KCNH8: variants seen among roughly 807,000 people sequenced by gnomAD.
The protein encoded by KCNH8 is potassium voltage-gated channel subfamily H member 8, also known as voltage-gated delayed rectifier potassium channel KCNH8.
A neutral mutation model predicts 103.6 loss-of-function variants in KCNH8; 70 were observed. That is an observed-to-expected ratio of 0.68 (90% CI 0.56 to 0.82). The LOEUF is 0.82. KCNH8 is among the 40% of genes least tolerant of loss of function. The pLI is 0.00. For synonymous variants in KCNH8, 498 were observed against 489.4 expected (o/e 1.02, Z -0.23); for missense variants, 1,217 against 1,329.9 (o/e 0.92, Z 1.32).
At chr3:19,406,980 T>C (rs1378338099) in intron 7 of KCNH8, among the ~76,000 whole-genome samples, 1 of 152,180 alleles carries the variant, frequency 6.6e-6, no homozygotes, top group African/African-American at 2.4e-5. Flanking sequence ...AGTAGAATTA[T>C]TCTACTCCAG....
At chr3:19,497,738 T>C (rs937337159) in intron 11 of KCNH8, among the ~76,000 whole-genome samples, 1 of 152,234 alleles carries the variant, frequency 6.6e-6, no homozygotes, top group South Asian at 2.1e-4. Flanking sequence ...GAGAGTTTTG[T>C]AGATACTTGA....
chr3:19,166,571 G>GA (rs989223971), intron 1 of KCNH8, among the ~76,000 whole-genome samples: 31 of 150,962 alleles, frequency 2.1e-4, no homozygotes, highest in South Asian at 6.3e-4. Context: ...TGTAAAATAT[G>GA]AAAAAAAAAC....
Position 19,424,715 on chromosome 3 carries a change from T to C in KCNH8, c.1178-13449T>C, listed in dbSNP as rs1245235448. ...AACTATGCATCTGACAAAGGACTAA[T>C]ATTCAGAATCTACAAGGAACTCAGG... is the stretch of plus-strand genomic sequence containing the variant. On this transcript the variant is annotated intron_variant, in intron 7 of 15. Coordinates refer to ENST00000328405, the MANE Select transcript of KCNH8 (RefSeq NM_144633.3). 3.3e-5 allele frequency among the ~76,000 whole-genome samples: 5 copies of C among 152,068 alleles called. No homozygotes were observed. In the East Asian group the frequency reaches 5.8e-4, roughly 18 times the overall value.
chr3:19,481,809 G>A (rs975796371), intron 11 of KCNH8, among the ~76,000 whole-genome samples: 1 of 152,156 alleles, frequency 6.6e-6, no homozygotes, highest in African/African-American at 2.4e-5. Flanking sequence ...ATTAACTGCT[G>A]GAGAAAGTAC....
At chr3:19,253,166 A>G (rs1159324124) in intron 1 of KCNH8, among the ~76,000 whole-genome samples, 1 of 152,052 alleles carries the variant, frequency 6.6e-6, no homozygotes, top group Non-Finnish European at 1.5e-5. Context: ...TCTCTTCCCT[A>G]TCTCAATTTA....
intron 3 of KCNH8, among the ~76,000 whole-genome samples, chr3:19,336,107 AT>A (rs1352963738): frequency 6.6e-6 from 1 of 151,614 alleles, no homozygotes; most frequent in Non-Finnish European, 1.5e-5. Context: ...CATATTTAAC[AT>A]TTTAAATATA....
intron 3 of KCNH8, among the ~76,000 whole-genome samples, chr3:19,303,935 G>T (rs1234057237): frequency 6.6e-6 from 1 of 152,134 alleles, no homozygotes; most frequent in Non-Finnish European, 1.5e-5. Context: ...GGGGACCACA[G>T]ACTATCCAAT....
In KCNH8 at chr3:19,279,115, A is replaced by C. The variant is rs2064719424; in HGVS notation, c.311-2083A>C. On this transcript the variant is annotated intron_variant, in intron 2 of 15. Transcript: ENST00000328405. ...TACCGTTCTTTGTGTCCCCACTATT[A>C]CTTTCTCTAAGGTCTGATTATTAGT... Among the ~76,000 whole-genome samples the C allele has an allele frequency of 3.3e-5, 5 of 152,194 alleles. No homozygotes were observed. In the South Asian group the frequency reaches 1.0e-3, roughly 32 times the overall value.
chr3:19,519,552 A>G (rs1365143686), intron 15 of KCNH8, among the ~76,000 whole-genome samples: 1 of 150,828 alleles, frequency 6.6e-6, no homozygotes, highest in Non-Finnish European at 1.5e-5. Flanking sequence ...CCGACTAACA[A>G]GGCAGAAAAG....
chr3:19,481,912 C>T (rs936145792), intron 11 of KCNH8, among the ~76,000 whole-genome samples: 7 of 152,136 alleles, frequency 4.6e-5, no homozygotes, highest in Non-Finnish European at 5.9e-5. Flanking sequence ...GATGAAGTTG[C>T]AGCAGGATGA....
At chr3:19,377,362 G>T (rs918877844) in intron 5 of KCNH8, among the ~76,000 whole-genome samples, 1 of 152,170 alleles carries the variant, frequency 6.6e-6, no homozygotes, top group Non-Finnish European at 1.5e-5. Context: ...TGTTGGAGAG[G>T]TGAGAACACA....
intron 3 of KCNH8, among the ~76,000 whole-genome samples, chr3:19,284,463 A>C (rs1476461561): frequency 6.6e-6 from 1 of 151,104 alleles, no homozygotes; most frequent in Non-Finnish European, 1.5e-5. Context: ...ACAAAATTCA[A>C]ACTACTATTT....
chr3:19,499,873 T>G (rs939526909), intron 11 of KCNH8, among the ~76,000 whole-genome samples: 2 of 151,998 alleles, frequency 1.3e-5, no homozygotes, highest in African/African-American at 4.8e-5. Flanking sequence ...AGGAAGAAAC[T>G]GCATCAACTA....
chr3:19,342,776 G>C, intron 4 of KCNH8, 62 bp downstream of exon 4: 5 of 1,476,122 alleles, frequency 3.4e-6, no homozygotes, highest in Non-Finnish European at 4.6e-6. Context: ...TGTTTGACTC[G>C]CTAAAGAAAG....
chr3:19,505,321 G>A (rs2068670983), intron 11 of KCNH8, among the ~76,000 whole-genome samples: 1 of 152,024 alleles, frequency 6.6e-6, no homozygotes, highest in African/African-American at 2.4e-5. Context: ...AAGGGTTGGA[G>A]GAGGGAGAGG....
At chr3:19,235,005 A>T (rs565660742) in intron 1 of KCNH8, among the ~76,000 whole-genome samples, 13 of 152,234 alleles carry the variant, frequency 8.5e-5, no homozygotes, top group Non-Finnish European at 1.6e-4. Context: ...AAACTTTGTT[A>T]AATGTATGTA....
At chr3:19,441,382 C>T (rs1052724986) in intron 8 of KCNH8, among the ~76,000 whole-genome samples, 3 of 152,174 alleles carry the variant, frequency 2.0e-5, no homozygotes, top group African/African-American at 7.2e-5. Context: ...AAAACCAGTT[C>T]TCTATACTGA....
chr3:19,421,246 A>G (rs1386703005), intron 7 of KCNH8, among the ~76,000 whole-genome samples: 3 of 152,146 alleles, frequency 2.0e-5, no homozygotes, highest in Admixed American at 2.0e-4. Context: ...TAAACTGGAT[A>G]ATTTAAAAAA....
Position 19,438,230 on chromosome 3 carries a change from C to G in KCNH8, c.1244C>G (p.Pro415Arg). ...TATGGCAACAATACCTTGGGGGGCC[C>G]GTCGATCCGAAGTGCCTATATTGCC... ...PYYGNNTLGG[P>R]SIRSAYIAAL... Residue 415 changes from proline (P) to arginine (R), a missense_variant, in exon 8 of 16, where the codon CCG (proline) becomes CGG (arginine). Coordinates refer to ENST00000328405, the MANE Select transcript of KCNH8 (RefSeq NM_144633.3). 6.8e-6 allele frequency: 11 copies of G among 1,614,048 alleles called. No homozygotes were observed. The highest frequency in any genetic ancestry group is 9.3e-6 in the Non-Finnish European group (11 of 1,180,014).
Sources: gnomAD v4.1 joint callset for allele counts (sites outside exome capture counted in the v4.1 genomes callset) on GRCh38, gnomAD v4.1.1 for gene constraint, MANE v1.5 for transcripts, NCBI Gene and HGNC (gene_info 2026-07-23, HGNC 2026-07-21) for gene names.